RP1: variants seen among roughly 807,000 people sequenced by gnomAD.
The protein encoded by RP1 is oxygen-regulated protein 1.
RP1 carries 16 observed loss-of-function variants against 14.8 expected under a neutral mutation model. The observed-to-expected ratio is 1.08, with a 90% CI of 0.73 to 1.65. RP1 has a LOEUF of 1.65. RP1 is among the 40% of genes most tolerant of loss of function. RP1 has a pLI of 0.00. For synonymous variants in RP1, 876 were observed against 883.6 expected (o/e 0.99, Z 0.15); for missense variants, 2,631 against 2,535.0 (o/e 1.04, Z -0.81).
intron 15 of RP1, among the ~76,000 whole-genome samples, chr8:54,711,348 C>A (rs1808290280): frequency 6.6e-6 from 1 of 152,060 alleles, no homozygotes. Context: ...AATTCCAATC[C>A]TGTTCTTGGA....
chr8:54,852,533 A>G, intron 25 of RP1: 1 of 1,199,228 alleles, frequency 8.3e-7, no homozygotes, highest in East Asian at 3.2e-5. Flanking sequence ...AAAGAGATAA[A>G]TAAAAATGAG....
chr8:54,851,465 C>G (rs1310524621), intron 25 of RP1, among the ~76,000 whole-genome samples: 1 of 152,190 alleles, frequency 6.6e-6, no homozygotes, highest in Non-Finnish European at 1.5e-5. Flanking sequence ...TCAAATCATG[C>G]TGGTCCTCAC....
At chr8:54,826,870 G>A (rs1362168571) in intron 24 of RP1, among the ~76,000 whole-genome samples, 2 of 152,198 alleles carry the variant, frequency 1.3e-5, no homozygotes, top group Non-Finnish European at 2.9e-5. Context: ...GAGTGCACTT[G>A]CACAAACCTA....
chr8:54,678,611 A>ACTC lies in RP1; in HGVS notation c.1478+77_1478+78insCCT. The stretch of plus-strand genomic sequence containing the variant: ...AAGTTTGTGCATTGAGAACTGGGTA[A>ACTC]CTTATTTAGTTGTTCCTAGTCACTG... On this transcript the variant is annotated intron_variant, in intron 9 of 22. Coordinates refer to the RP1 transcript ENST00000636932. 9 of 1,235,008 alleles carry ACTC rather than the reference A, an allele frequency of 7.3e-6. No individual in the cohort carries two copies. In the South Asian group the frequency reaches 1.3e-4, roughly 17 times the overall value. The allele number at this position is 1,235,008 out of a possible 1,614,324, so 76.5% of individuals were successfully genotyped here.
chr8:54,689,335 A>C (rs1368111697), intron 12 of RP1, among the ~76,000 whole-genome samples: 2 of 152,122 alleles, frequency 1.3e-5, no homozygotes. Context: ...CCTGGCCAGA[A>C]CTTCCAACAC....
At chr8:54,762,775 C>G (rs943409660) in intron 22 of RP1, among the ~76,000 whole-genome samples, 1 of 152,196 alleles carries the variant, frequency 6.6e-6, no homozygotes, top group Admixed American at 6.5e-5. Context: ...CTCACTGTCT[C>G]GGAAGGCCTG....
chr8:54,640,532 G>A (rs1806434460), intron 3 of RP1, among the ~76,000 whole-genome samples: 1 of 152,160 alleles, frequency 6.6e-6, no homozygotes, highest in Non-Finnish European at 1.5e-5. Flanking sequence ...TCCCCCTGCT[G>A]TGTAAATTTT....
intron 3 of RP1, among the ~76,000 whole-genome samples, chr8:54,637,134 G>A (rs556078871): frequency 1.3e-5 from 2 of 152,218 alleles, no homozygotes; most frequent in Non-Finnish European, 2.9e-5. Context: ...TGCCCTGTTC[G>A]GTATCCTGCT....
intron 7 of RP1, among the ~76,000 whole-genome samples, chr8:54,668,891 A>C (rs1807078735): frequency 6.6e-6 from 1 of 152,228 alleles, no homozygotes; most frequent in South Asian, 2.1e-4. Context: ...GATGGGTTAA[A>C]GACTTAAATG....
At chr8:54,715,240 T>C (rs867023378) in intron 15 of RP1, among the ~76,000 whole-genome samples, 50 of 152,332 alleles carry the variant, frequency 3.3e-4, no homozygotes, top group African/African-American at 1.2e-3. Context: ...GCATCAGATA[T>C]TCTAACCTGG....
intron 16 of RP1, among the ~76,000 whole-genome samples, chr8:54,725,331 C>T (rs17319305): frequency 0.3 from 45,379 of 151,832 alleles, 8,259 homozygotes; most frequent in Middle Eastern, 0.48. Context: ...TTTTTAGTGT[C>T]TCAGCATTGC....
At chr8:54,666,019 G>C (rs137968365) in intron 7 of RP1, among the ~76,000 whole-genome samples, 75 of 152,074 alleles carry the variant, frequency 4.9e-4, no homozygotes, top group Non-Finnish European at 9.7e-4. Context: ...TGGGGTACTT[G>C]AGAATGCCTA....
chr8:54,804,721 A>C (rs1465146412), intron 24 of RP1, among the ~76,000 whole-genome samples: 6 of 152,276 alleles, frequency 3.9e-5, no homozygotes. Flanking sequence ...TAAATAACAC[A>C]GCACTCATGT....
rs572022916 is a variant in RP1, at chr8:54,860,955, A to G, written c.4069+3849A>G. ...TTTGGCTGGATATTTGGAAATTTCAATGGGCTTCTCTGACTGGTGGGATTA... is the reference window on the plus strand; with the variant it reads ...TTTGGCTGGATATTTGGAAATTTCAGTGGGCTTCTCTGACTGGTGGGATTA... On this transcript the variant is annotated intron_variant, in intron 27 of 28. Coordinates refer to the RP1 transcript ENST00000637698. Among the ~76,000 whole-genome samples the G allele has an allele frequency of 3.9e-5, 6 of 152,314 alleles. No homozygotes were observed. In the South Asian group the frequency reaches 1.2e-3, roughly 32 times the overall value.
intron 21 of RP1, chr8:54,758,896 G>GT (rs886102892): frequency 3.3e-6 from 5 of 1,533,984 alleles, no homozygotes; most frequent in African/African-American, 2.7e-5. Context: ...ATTTCTGTGG[G>GT]TTTTTTTCTC....
intron 1 of RP1, among the ~76,000 whole-genome samples, chr8:54,569,677 C>G (rs1011802495): frequency 6.6e-6 from 1 of 152,188 alleles, no homozygotes; most frequent in African/African-American, 2.4e-5. Context: ...GCTGTCACCA[C>G]AGATTCACTG....
At chr8:54,789,757 T>C (rs1446719706) in intron 24 of RP1, among the ~76,000 whole-genome samples, 1 of 152,098 alleles carries the variant, frequency 6.6e-6, no homozygotes, top group East Asian at 1.9e-4. Flanking sequence ...CAGGGCACAA[T>C]CTACAGATTC....
chr8:54,812,910 T>C (rs897883181), intron 24 of RP1, among the ~76,000 whole-genome samples: 2 of 152,232 alleles, frequency 1.3e-5, no homozygotes, highest in African/African-American at 4.8e-5. Context: ...GCTGCTATAG[T>C]TATTTCAGGT....
chr8:54,627,374 G>C lies in RP1; in HGVS notation c.3492G>C (p.Leu1164Phe). ...TNKSSETLAL[L>F]EILKHIAITE... ...AATCTTCAGAAACACTTGCATTGTT[G>C]GAGATTCTAAAGCACATAGCTATCA... The change falls in exon 4 of 4, where the codon TTG becomes TTC. Residue 1164 changes from leucine to phenylalanine, a missense_variant. Coordinates refer to ENST00000220676, the MANE Select transcript of RP1 (RefSeq NM_006269.2). 6.2e-7 allele frequency: 1 copy of C among 1,614,118 alleles called. No individual in the cohort carries two copies. The highest frequency in any genetic ancestry group is 8.5e-7 in the Non-Finnish European group (1 of 1,179,982).
Sources: gnomAD v4.1 joint callset for allele counts (sites outside exome capture counted in the v4.1 genomes callset) on GRCh38, gnomAD v4.1.1 for gene constraint, MANE v1.5 for transcripts, NCBI Gene and HGNC (gene_info 2026-07-23, HGNC 2026-07-21) for gene names.